MAPT: variants seen among roughly 807,000 people sequenced by gnomAD.
MAPT encodes microtubule-associated protein tau.
MAPT carries 34 observed loss-of-function variants against 67.9 expected under a neutral mutation model. The observed-to-expected ratio is 0.50, with a 90% confidence interval of 0.38 to 0.67. MAPT has a LOEUF of 0.67. MAPT is among the 30% of genes least tolerant of loss of function. The probability of loss-of-function intolerance (pLI) is 0.00; values close to 1 mark genes in which losing one functional copy is unlikely to be tolerated. For synonymous variants in MAPT, 456 were observed against 464.5 expected, an observed-to-expected ratio of 0.98 and a Z score of 0.23; for missense variants, 881 against 1,115.2, an observed-to-expected ratio of 0.79 and a Z score of 2.99.
chr17:46,011,752 C>G (rs1305562209), intron 10 of MAPT, among the ~76,000 whole-genome samples: 1 of 152,156 alleles, frequency 6.6e-6, no homozygotes, highest in Non-Finnish European at 1.5e-5. Flanking sequence ...TGGGCTGTCT[C>G]CAGAAAATGC....
Position 45,982,950 on chromosome 17 carries a change from C to T in MAPT, c.371C>T (p.Pro124Leu). The change falls in exon 5 of 13, where the codon CCC (proline) becomes CTC (leucine). Residue 124 changes from proline (P) to leucine (L), a missense_variant. Physicochemically the swap from Pro to Leu is moderately conservative, Grantham distance 98. Transcript: ENST00000262410. ...NEISAHVQPG[P>L]CGEASGVSGP... ...ATTAGCGCCCACGTCCAGCCTGGAC[C>T]CTGCGGAGAGGCCTCTGGGGTCTCT... The T allele has an allele frequency of 7.0e-7, 1 of 1,425,004 alleles. No individual in the cohort carries two copies. The highest frequency in any genetic ancestry group is 9.1e-7 in the Non-Finnish European group (1 of 1,093,264). The allele number at this position is 1,425,004 out of a possible 1,614,324, so 88.3% of individuals were successfully genotyped here.
intron 1 of MAPT, among the ~76,000 whole-genome samples, chr17:45,905,098 G>A (rs958266653): frequency 1.2e-4 from 19 of 152,278 alleles, no homozygotes; most frequent in Admixed American, 1.0e-3. Flanking sequence ...CCAGTGCAGC[G>A]GCTCAGCCTC....
At chr17:45,999,031 C>A (rs1467323725) in intron 9 of MAPT, among the ~76,000 whole-genome samples, 1 of 152,200 alleles carries the variant, frequency 6.6e-6, no homozygotes, top group Non-Finnish European at 1.5e-5. Context: ...TTCCCCCTAG[C>A]CTGAATCTGC....
At position 45,915,814 on chromosome 17, in the gene MAPT, G is replaced by A. The variant is rs2065165588; in HGVS notation, c.-18+21128G>A. ...TTCCCTGCATTTCCAATGAGACCTC[G>A]GTGGACATGTTCCCTGAGGTGAGGC... On this transcript the variant is annotated intron_variant, in intron 1 of 12. Transcript: ENST00000262410. This position sits in a 1 kb window ranked among gnomAD's most constrained non-coding sequence, Gnocchi z 4.4. Among the ~76,000 whole-genome samples, 1 of 152,128 alleles carries A rather than the reference G, an allele frequency of 6.6e-6. No individual in the cohort carries two copies. The highest frequency in any genetic ancestry group is 1.5e-5 in the Non-Finnish European group (1 of 68,020).
At chr17:46,003,672 G>A (rs1034774939) in intron 9 of MAPT, among the ~76,000 whole-genome samples, 1 of 152,198 alleles carries the variant, frequency 6.6e-6, no homozygotes, top group Non-Finnish European at 1.5e-5. Flanking sequence ...CAGTGAATTT[G>A]TACGTGGAAT....
chr17:45,954,482 G>T (rs919436947), intron 1 of MAPT, among the ~76,000 whole-genome samples: 10 of 152,104 alleles, frequency 6.6e-5, no homozygotes, highest in African/African-American at 2.4e-4. Context: ...CATTAGCCAG[G>T]CATGGTGGTG....
At chr17:45,976,417 A>G (rs1034442171) in intron 3 of MAPT, 1 of 152,234 alleles carries the variant, frequency 6.6e-6, no homozygotes, top group African/African-American at 2.4e-5. Flanking sequence ...ACTCTCTCCA[A>G]GGAAATCCTC....
rs999441100 is a variant in MAPT at position 45,982,975 on chromosome 17, T to C, written c.396T>C (p.Ser132=). ...PGPCGEASGV[S]GPCLGEKEPE... is the part of the protein sequence containing the mutation. The stretch of plus-strand genomic sequence containing the variant: ...CCTGCGGAGAGGCCTCTGGGGTCTC[T>C]GGGCCGTGCCTCGGGGAGAAAGAGC... The change falls in exon 5 of 13, where the codon TCT becomes TCC. Residue 132 remains serine (S), a synonymous_variant. Coordinates refer to ENST00000262410, the MANE Select transcript of MAPT (RefSeq NM_001377265.1). 35 of 1,436,600 alleles carry C rather than the reference T, an allele frequency of 2.4e-5. No homozygotes were observed. In the African/African-American group the frequency reaches 3.9e-4, roughly 16 times the overall value. The allele number at this position is 1,436,600 out of a possible 1,614,324, so 89.0% of individuals were successfully genotyped here.
At chr17:45,899,806 T>C (rs977822889) in intron 1 of MAPT, among the ~76,000 whole-genome samples, 2 of 152,178 alleles carry the variant, frequency 1.3e-5, no homozygotes, top group African/African-American at 2.4e-5. Context: ...TCACTCTACA[T>C]TGGTGCTCTG....
chr17:45,970,319 C>A (rs2071534323), intron 2 of MAPT, among the ~76,000 whole-genome samples: 1 of 152,094 alleles, frequency 6.6e-6, no homozygotes, highest in African/African-American at 2.4e-5. Flanking sequence ...ATACATCCAT[C>A]TAATCATTCA....
chr17:45,987,819 G>A (rs1396161650), intron 6 of MAPT, among the ~76,000 whole-genome samples: 1 of 152,238 alleles, frequency 6.6e-6, no homozygotes, highest in African/African-American at 2.4e-5. Context: ...GGAAGGGCCT[G>A]TGGGGATTTG....
rs1432825684 is a variant in MAPT at position 45,906,812 on chromosome 17, C to T, written c.-18+12126C>T. ...TCCCGAATGTGGCAAGCCATGGAGC[C>T]TTAAGCTCTTCTCCCTCCACATCCT... On this transcript the variant is annotated intron_variant, in intron 1 of 12. Coordinates refer to ENST00000262410, the MANE Select transcript of MAPT (RefSeq NM_001377265.1). This position sits in a 1 kb window ranked among gnomAD's most constrained non-coding sequence, Gnocchi z 4.3. Among the ~76,000 whole-genome samples the T allele has an allele frequency of 6.6e-6, 1 of 152,102 alleles. No individual in the cohort carries two copies. Among genetic ancestry groups the T allele is most frequent in the African/African-American group, 2.4e-5 (1 of 41,404 alleles).
At position 45,906,401 on chromosome 17, in the gene MAPT, G is replaced by A. The variant is rs1050437055; in HGVS notation, c.-18+11715G>A. On this transcript the variant is annotated intron_variant, in intron 1 of 12. Transcript: ENST00000262410. This position sits in a 1 kb window ranked among gnomAD's most constrained non-coding sequence, Gnocchi z 4.3. Reference sequence around the variant, plus strand: ...CAGTGTTTAGCATGTGACAGGAATCGATTAAGGCATGAGTGATTAAATTAA... The same window carrying A: ...CAGTGTTTAGCATGTGACAGGAATCAATTAAGGCATGAGTGATTAAATTAA... Among the ~76,000 whole-genome samples, 6 of 152,304 alleles carry A rather than the reference G, an allele frequency of 3.9e-5. No homozygotes were observed. The highest frequency in any genetic ancestry group is 2.9e-5 in the Non-Finnish European group (2 of 68,020).
intron 1 of MAPT, among the ~76,000 whole-genome samples, chr17:45,954,713 G>A (rs1003500244): frequency 2.6e-5 from 4 of 152,204 alleles, no homozygotes; most frequent in African/African-American, 9.6e-5. Flanking sequence ...GGGCATGGTG[G>A]CTCACGCCTG....
chr17:46,021,191 C>T (rs1039012887), intron 12 of MAPT, among the ~76,000 whole-genome samples: 7 of 152,246 alleles, frequency 4.6e-5, no homozygotes, highest in African/African-American at 1.4e-4. Context: ...CCAGACACGC[C>T]CTGAGGCAGG....
intron 1 of MAPT, among the ~76,000 whole-genome samples, chr17:45,949,003 C>T (rs1400168448): frequency 6.6e-6 from 1 of 152,226 alleles, no homozygotes; most frequent in Non-Finnish European, 1.5e-5. Flanking sequence ...TTGTTTTTAA[C>T]GATAGCTTTA....
chr17:45,973,855 T>G (rs976583606), intron 3 of MAPT: 1 of 159,230 alleles, frequency 6.3e-6, no homozygotes, highest in Non-Finnish European at 1.4e-5. Flanking sequence ...TTTTGAATTG[T>G]GGGTCATGGG....
At chr17:45,951,501 C>G (rs1263107820) in intron 1 of MAPT, among the ~76,000 whole-genome samples, 1 of 152,098 alleles carries the variant, frequency 6.6e-6, no homozygotes, top group African/African-American at 2.4e-5. Flanking sequence ...TTCTTTTACT[C>G]TGAACTGTTA....
At chr17:45,970,049 C>A (rs2071495552) in intron 2 of MAPT, among the ~76,000 whole-genome samples, 1 of 148,996 alleles carries the variant, frequency 6.7e-6, no homozygotes, top group African/African-American at 2.5e-5. Context: ...TCTATCCACC[C>A]ATCCATCCAT....
Sources: allele counts gnomAD v4.1 joint callset (sites outside exome capture counted in the v4.1 genomes callset), GRCh38; gene constraint gnomAD v4.1.1; non-coding constraint Gnocchi (gnomAD v3.1); transcripts MANE v1.5; gene names NCBI Gene and HGNC (gene_info 2026-07-23, HGNC 2026-07-21).